ADGRG4: variants seen among roughly 807,000 people sequenced by gnomAD.
ADGRG4 encodes adhesion G protein-coupled receptor G4.
ADGRG4 carries 122 observed loss-of-function variants against 126.2 expected under a neutral mutation model. The ratio of observed to expected loss-of-function variants is 0.97; its 90% CI spans 0.83 to 1.12. The LOEUF (loss-of-function observed/expected upper bound fraction) is 1.12. Among genes scored for constraint, ADGRG4 ranks in the 50% most tolerant of loss-of-function variants. ADGRG4 has a pLI of 0.00. For missense variants in ADGRG4, 2,481 were observed against 2,251.8 expected, an observed-to-expected ratio of 1.10 and a Z score of -2.06; for synonymous variants, 943 against 838.7, an observed-to-expected ratio of 1.12 and a Z score of -2.15.
intron 7 of ADGRG4, 27 bp from the exon 8 acceptor site, chrX:136,353,310 A>T: frequency 9.4e-7 from 1 of 1,065,837 alleles, no homozygotes; most frequent in Non-Finnish European, 1.3e-6. Flanking sequence ...CAGAATACTA[A>T]AACTGATTTT....
Position 136,379,897 on chromosome X carries a change from T to C in ADGRG4, c.7776+6833T>C, listed in dbSNP as rs780790294. Among the ~76,000 whole-genome samples the C allele has an allele frequency of 1.2e-3, 131 of 111,818 alleles. 1 individual carries two copies. The highest frequency in any genetic ancestry group is 4.2e-3 in the African/African-American group (129 of 30,782). On this transcript the variant is annotated intron_variant, in intron 15 of 25. Transcript: ENST00000394143. ...ATTTGTCCTTTGTGACTGGCTTTTT[T>C]CACTTTGCAAAATGTCTTCAGGGTT...
chrX:136,347,956 A>T lies in ADGRG4; in HGVS notation c.4250A>T (p.Asp1417Val), dbSNP rs1490104629. The part of the protein sequence containing the change: ...VSYGQDTSFV[D>V]TTTSSSTRIS... ...TATGGCCAGGATACTTCATTTGTAG[A>T]TACCACAACTTCCAGCTCAACAAGG... The change falls in exon 6 of 26, where the codon GAT becomes GTT. Residue 1417 changes from aspartate (D) to valine (V), a missense_variant. Physicochemically the swap from Asp to Val is radical, Grantham distance 152. Coordinates refer to ENST00000394143, the MANE Select transcript of ADGRG4 (RefSeq NM_153834.4). 1 of 1,207,533 alleles carries T rather than the reference A, an allele frequency of 8.3e-7. No individual in the cohort carries two copies. The highest frequency in any genetic ancestry group is 1.7e-5 in the African/African-American group (1 of 57,191).
In ADGRG4 at chrX:136,412,341, GT is replaced by G. The variant is rs753038912; in HGVS notation, c.9013del (p.Trp3005GlyfsTer16). 1.4e-5 allele frequency: 17 copies of G among 1,187,155 alleles called. No homozygotes were observed. In the East Asian group the frequency reaches 5.0e-4, roughly 35 times the overall value. ...AGTGGCAGATACACCTCTGCTGTGGGTGGTTGCGATTGGATAACTCTTCTGG... is the reference window on the plus strand; with the variant it reads ...AGTGGCAGATACACCTCTGCTGTGGGGGTTGCGATTGGATAACTCTTCTGG... ...EQWQIHLCCG[W>X]LRLDNSSDGS... On this transcript the variant is annotated frameshift_variant, in exon 24 of 26. Transcript: ENST00000394143. LOFTEE classifies it high-confidence loss of function.
chrX:136,375,708 C>T (rs2075221433), intron 15 of ADGRG4, among the ~76,000 whole-genome samples: 1 of 111,620 alleles, frequency 9.0e-6, no homozygotes, highest in Admixed American at 9.5e-5. Context: ...CTACGCATGT[C>T]CTTTGCCCAC....
rs781045230 is a variant in ADGRG4 at position 136,361,590 on chromosome X, A to G, written c.7277+3A>G. ...GATGGAAATGCCACAAGATTCTGGTATGTACAGGCCAAGTTCTAATTGCTG... is the reference window on the plus strand; with the variant it reads ...GATGGAAATGCCACAAGATTCTGGTGTGTACAGGCCAAGTTCTAATTGCTG... On this transcript the variant is annotated splice_donor_region_variant and intron_variant, in intron 12 of 25. Transcript: ENST00000394143. 2.6e-6 allele frequency: 3 copies of G among 1,160,854 alleles called. No individual in the cohort carries two copies. In the Admixed American group the frequency reaches 6.9e-5, roughly 27 times the overall value.
rs878858172 is a variant in ADGRG4 at position 136,414,080 on chromosome X, T to A, written c.9038-80T>A. The A allele has an allele frequency of 3.3e-5, 28 of 850,945 alleles. 1 individual carries two copies. In the South Asian group the frequency reaches 6.4e-4, roughly 19 times the overall value. 70.1% of individuals were successfully genotyped at this position (850,945 alleles called of 1,213,427 possible). ...TTAAACCAGGTTATTGAAGTGTAAT[T>A]TATATACCATACAATTCACTACTTT... On this transcript the variant is annotated intron_variant, in intron 24 of 25. Transcript: ENST00000394143.
At chrX:136,312,004 T>C (rs2074775113) in intron 4 of ADGRG4, among the ~76,000 whole-genome samples, 1 of 111,487 alleles carries the variant, frequency 9.0e-6, no homozygotes, top group African/African-American at 3.3e-5. Flanking sequence ...GTCTATCTTT[T>C]CTTGAGAAAC....
At chrX:136,312,487 A>G (rs903731774) in intron 4 of ADGRG4, among the ~76,000 whole-genome samples, 10 of 111,348 alleles carry the variant, frequency 9.0e-5, no homozygotes, top group Non-Finnish European at 3.8e-5. Context: ...TGAGCTGGGC[A>G]TGGTGGTATG....
intron 23 of ADGRG4, among the ~76,000 whole-genome samples, chrX:136,409,540 G>A (rs2075434795): frequency 1.8e-5 from 2 of 111,884 alleles, no homozygotes; most frequent in East Asian, 2.8e-4. Flanking sequence ...TGCTCTCCTC[G>A]GGGTGCTGCA....
intron 4 of ADGRG4, among the ~76,000 whole-genome samples, chrX:136,314,542 C>CT (rs780793380): frequency 1.8e-5 from 2 of 111,679 alleles, no homozygotes; most frequent in Admixed American, 9.6e-5. Flanking sequence ...TACCCTGGCT[C>CT]TTTTTTCATC....
intron 4 of ADGRG4, among the ~76,000 whole-genome samples, chrX:136,318,636 C>T (rs146869211): frequency 4.5e-5 from 5 of 111,199 alleles, no homozygotes; most frequent in East Asian, 5.7e-4. Context: ...TTTCCTAACA[C>T]GGAAAACACT....
chrX:136,392,331 C>T lies in ADGRG4; in HGVS notation c.8011C>T (p.Leu2671=), dbSNP rs748088246. ...CTTAGCTGACCCAGTGGTTATCACT[C>T]TGCAGCATATTGGAGGAAACCAGGT... is the stretch of plus-strand genomic sequence containing the variant. ...QNLADPVVIT[L]QHIGGNQNYG... The change falls in exon 17 of 26, where the codon CTG becomes TTG. Residue 2671 remains leucine, a synonymous_variant. Coordinates refer to ENST00000394143, the MANE Select transcript of ADGRG4 (RefSeq NM_153834.4). 3 of 1,172,522 alleles carry T rather than the reference C, an allele frequency of 2.6e-6. No individual in the cohort carries two copies. In the East Asian group the frequency reaches 9.1e-5, roughly 35 times the overall value.
Position 136,371,559 on chromosome X carries a change from T to C in ADGRG4, c.7613+15T>C. ...ATAAGCAATGAGTAAGTACTAATAC[T>C]TTGGTGAAAGACATTATTTTTAAAA... On this transcript the variant is annotated intron_variant, in intron 14 of 25. Transcript: ENST00000394143. The C allele has an allele frequency of 9.8e-7, 1 of 1,016,931 alleles. No individual in the cohort carries two copies. Among genetic ancestry groups the C allele is most frequent in the Non-Finnish European group, 1.3e-6 (1 of 759,461 alleles). 83.8% of individuals were successfully genotyped at this position (1,016,931 alleles called of 1,213,427 possible).
At chrX:136,376,998 G>A (rs1411471295) in intron 15 of ADGRG4, among the ~76,000 whole-genome samples, 3 of 110,273 alleles carry the variant, frequency 2.7e-5, no homozygotes, top group Non-Finnish European at 5.7e-5. Context: ...AACAGAAATG[G>A]TAAAAGTGGG....
At chrX:136,408,676 C>T (rs903427594) in intron 23 of ADGRG4, among the ~76,000 whole-genome samples, 7 of 111,683 alleles carry the variant, frequency 6.3e-5, no homozygotes, top group African/African-American at 2.3e-4. Context: ...TTGCAATGAA[C>T]ATAAGGGTAC....
At position 136,310,241 on chromosome X, in the gene ADGRG4, A is replaced by G. The variant is rs1023893143; in HGVS notation, c.70+1394A>G. ...TGGCTCACTGCAACTTCTGCCTCCCAGATTCAAGCAATTCTCCTGCCTCAG... is the reference window on the plus strand; with the variant it reads ...TGGCTCACTGCAACTTCTGCCTCCCGGATTCAAGCAATTCTCCTGCCTCAG... On this transcript the variant is annotated intron_variant, in intron 4 of 25. Transcript: ENST00000394143. 3.6e-5 allele frequency among the ~76,000 whole-genome samples: 4 copies of G among 110,340 alleles called. No individual in the cohort carries two copies. The Admixed American group carries it at 3.9e-4, about 11-fold the overall frequency.
chrX:136,393,700 G>T, intron 18 of ADGRG4, 120 bp downstream of exon 18: 6 of 490,207 alleles, frequency 1.2e-5, no homozygotes, highest in Non-Finnish European at 1.8e-5. Flanking sequence ...CATTCTGAAT[G>T]ACCAAGATAC....
chrX:136,416,402 T>C (rs373121187), intron 25 of ADGRG4, 52 bp from the exon 26 acceptor site: 472 of 1,056,977 alleles, frequency 4.5e-4, no homozygotes, highest in Non-Finnish European at 5.4e-4. Flanking sequence ...TTCTACTATG[T>C]GCAAAGTCCC....
chrX:136,349,601 T>G lies in ADGRG4; in HGVS notation c.5895T>G (p.Thr1965=). 1 of 1,209,852 alleles carries G rather than the reference T, an allele frequency of 8.3e-7. No individual in the cohort carries two copies. ...TATCAACATCTTTAAGAGCTATCAC[T>G]TCCACATTGGCTGACGTTAAGCACA... is the stretch of plus-strand genomic sequence containing the variant. ...PSLSTSLRAI[T]STLADVKHTF... The change falls in exon 6 of 26, where the codon ACT becomes ACG. Residue 1965 remains threonine, a synonymous_variant. Transcript: ENST00000394143.
Sources: allele counts gnomAD v4.1 joint callset (sites outside exome capture counted in the v4.1 genomes callset), GRCh38; gene constraint gnomAD v4.1.1; transcripts MANE v1.5; gene names NCBI Gene and HGNC (gene_info 2026-07-23, HGNC 2026-07-21).